Variants in DCAF6 observed in about 807,000 individuals in gnomAD.
The protein encoded by DCAF6 is DDB1 and CUL4 associated factor 6.
Under a neutral mutation model 125.1 loss-of-function variants are expected in DCAF6, and 54 were observed. The ratio of observed to expected loss-of-function variants is 0.43; its 90% CI spans 0.35 to 0.54. The LOEUF is 0.54. Among genes scored for constraint, DCAF6 ranks in the 20% least tolerant of loss-of-function variants. DCAF6 has a pLI of 0.01. For synonymous variants in DCAF6, 371 were observed against 390.4 expected (o/e 0.95, Z 0.58); for missense variants, 934 against 1,161.7 (o/e 0.80, Z 2.85).
At chr1:167,946,402 A>G (rs1673096175) in intron 1 of DCAF6, among the ~76,000 whole-genome samples, 1 of 152,168 alleles carries the variant, frequency 6.6e-6, no homozygotes. Flanking sequence ...TAGGACTTCC[A>G]ATACTATATT....
intron 7 of DCAF6, 127 bp from the exon 8 acceptor site, chr1:168,002,355 C>A: frequency 1.4e-6 from 1 of 729,062 alleles, no homozygotes; most frequent in Non-Finnish European, 2.3e-6. Flanking sequence ...TTCATATTTT[C>A]ATGTAGATCT....
chr1:168,067,042 T>C (rs16860031), intron 20 of DCAF6, among the ~76,000 whole-genome samples: 2,516 of 152,184 alleles, frequency 0.017, 64 homozygotes, highest in African/African-American at 0.057. Flanking sequence ...AGAGGGAAGG[T>C]GGATAATAGG....
At chr1:167,960,686 GAC>G (rs1451494261) in intron 2 of DCAF6, among the ~76,000 whole-genome samples, 1 of 152,244 alleles carries the variant, frequency 6.6e-6, no homozygotes, top group East Asian at 1.9e-4. Flanking sequence ...TCTAAGAGTA[GAC>G]ACTGTATGAT....
rs575878146 is a variant in DCAF6 at position 167,937,602 on chromosome 1, C to T, written c.97+594C>T. Among the ~76,000 whole-genome samples the T allele has an allele frequency of 3.3e-5, 5 of 152,272 alleles. No homozygotes were observed. The East Asian group carries it at 7.7e-4, about 23-fold the overall frequency. Reference sequence around the variant, plus strand: ...ACTCTGCTCTTCAGTTCGTTTTGACCGCTTAAAGGTGGTGTAGGGTTTCAC... The same window carrying T: ...ACTCTGCTCTTCAGTTCGTTTTGACTGCTTAAAGGTGGTGTAGGGTTTCAC... On this transcript the variant is annotated intron_variant, in intron 1 of 21. Coordinates refer to ENST00000367840, the MANE Select transcript of DCAF6 (RefSeq NM_001198956.2).
intron 1 of DCAF6, among the ~76,000 whole-genome samples, chr1:167,950,350 A>G (rs1673734811): frequency 6.6e-6 from 1 of 152,198 alleles, no homozygotes; most frequent in Non-Finnish European, 1.5e-5. Context: ...TACAAGCGAA[A>G]ATCAGATTTG....
chr1:167,922,126 T>C, the DCAF6 span, among the ~76,000 whole-genome samples: 1 of 152,120 alleles, frequency 6.6e-6, no homozygotes, highest in South Asian at 2.1e-4. Context: ...TAAAACACAG[T>C]AAGAGGTATA....
At chr1:167,905,117 G>T in the DCAF6 span, 1 of 1,614,196 alleles carries the variant, frequency 6.2e-7, no homozygotes, top group South Asian at 1.1e-5. Flanking sequence ...GCCAGTCCTG[G>T]AATTCTTCTT....
chr1:167,927,904 C>G, the DCAF6 span, among the ~76,000 whole-genome samples: 3 of 152,174 alleles, frequency 2.0e-5, no homozygotes, highest in Non-Finnish European at 4.4e-5. Context: ...TTTAGTTTAA[C>G]AACTGCTATG....
intron 7 of DCAF6, among the ~76,000 whole-genome samples, chr1:167,994,262 T>C (rs901642852): frequency 5.9e-5 from 9 of 152,102 alleles, no homozygotes; most frequent in Non-Finnish European, 1.3e-4. Context: ...GATAGCAAAA[T>C]GTTTATCTTA....
chr1:167,899,646 A>C, the DCAF6 span: 1 of 1,612,400 alleles, frequency 6.2e-7, no homozygotes, highest in African/African-American at 1.3e-5. Context: ...GAAGGCAAGG[A>C]ATAGGTTTGC....
chr1:168,001,482 G>A (rs1682617815), intron 7 of DCAF6, among the ~76,000 whole-genome samples: 1 of 152,106 alleles, frequency 6.6e-6, no homozygotes. Flanking sequence ...TGAGAATGAA[G>A]TTAGTGGAAA....
the DCAF6 span, among the ~76,000 whole-genome samples, chr1:167,912,482 G>A: frequency 2.0e-5 from 3 of 152,278 alleles, no homozygotes; most frequent in South Asian, 2.1e-4. Context: ...AGGGTGAGAG[G>A]GCTAGCTTTT....
the DCAF6 span, among the ~76,000 whole-genome samples, chr1:167,883,283 C>G: frequency 6.6e-6 from 1 of 152,230 alleles, no homozygotes. Flanking sequence ...AGTGATCCGC[C>G]CACCTCTGCC....
intron 20 of DCAF6, among the ~76,000 whole-genome samples, chr1:168,067,347 T>TA (rs1390604304): frequency 6.6e-6 from 1 of 152,112 alleles, no homozygotes; most frequent in Non-Finnish European, 1.5e-5. Context: ...AGCTAGAACA[T>TA]ACTGTAGTGG....
intron 7 of DCAF6, among the ~76,000 whole-genome samples, chr1:167,994,560 G>A (rs1006279869): frequency 6.6e-6 from 1 of 152,138 alleles, no homozygotes; most frequent in Non-Finnish European, 1.5e-5. Context: ...AGTTAAAGTA[G>A]TTGTATATAT....
the DCAF6 span, chr1:167,893,995 T>C: frequency 7.7e-7 from 1 of 1,292,438 alleles, no homozygotes. Context: ...GGCTCTGCAG[T>C]GCTAGTGAGA....
At chr1:167,890,433 C>A in the DCAF6 span, among the ~76,000 whole-genome samples, 15 of 152,168 alleles carry the variant, frequency 9.9e-5, no homozygotes, top group Non-Finnish European at 7.3e-5. Context: ...CTGTGCTGAG[C>A]TGCTTGGAGC....
At chr1:168,041,892 GCGCACACACACA>G (rs1215464769) in intron 13 of DCAF6, among the ~76,000 whole-genome samples, 2,167 of 119,834 alleles carry the variant, frequency 0.018, 69 homozygotes, top group African/African-American at 0.057. Flanking sequence ...CATGTTTGTC[GCGCACACACACA>G]CACACACACA....
intron 16 of DCAF6, among the ~76,000 whole-genome samples, chr1:168,045,669 G>T (rs1689075936): frequency 6.6e-6 from 1 of 151,892 alleles, no homozygotes; most frequent in Admixed American, 6.6e-5. Flanking sequence ...TCTGTTTTTG[G>T]GAACACTGTT....
Sources: allele counts gnomAD v4.1 joint callset (sites outside exome capture counted in the v4.1 genomes callset), GRCh38; gene constraint gnomAD v4.1.1; transcripts MANE v1.5; gene names NCBI Gene and HGNC (gene_info 2026-07-23, HGNC 2026-07-21).